Variants in TBC1D22A observed in about 807,000 individuals in gnomAD.
TBC1D22A encodes putative GTPase activator.
A neutral mutation model predicts 60.2 loss-of-function variants in TBC1D22A; 38 were observed. That is an observed-to-expected ratio of 0.63 (90% CI 0.49 to 0.83). TBC1D22A has a LOEUF of 0.83. Among genes scored for constraint, TBC1D22A ranks in the 40% least tolerant of loss-of-function variants. The pLI is 0.00. For missense variants in TBC1D22A, 628 were observed against 701.0 expected (o/e 0.90, Z 1.18); for synonymous variants, 302 against 281.7 (o/e 1.07, Z -0.72).
chr22:47,136,164 G>A (rs907066752), intron 12 of TBC1D22A, among the ~76,000 whole-genome samples: 3 of 152,218 alleles, frequency 2.0e-5, no homozygotes, highest in Non-Finnish European at 4.4e-5. Flanking sequence ...CCTCCACCAC[G>A]TCCCCTGAGG....
At chr22:46,994,924 T>G (rs1233778407) in intron 9 of TBC1D22A, among the ~76,000 whole-genome samples, 1 of 152,236 alleles carries the variant, frequency 6.6e-6, no homozygotes, top group African/African-American at 2.4e-5. Flanking sequence ...AATTCAAGTC[T>G]GGAGCCAAAA....
chr22:46,787,989 T>G (rs182290437), intron 1 of TBC1D22A, among the ~76,000 whole-genome samples: 3 of 143,728 alleles, frequency 2.1e-5, no homozygotes. Flanking sequence ...CAGGTTGGAG[T>G]GCAGGGGCGT....
chr22:46,818,501 A>C, intron 4 of TBC1D22A, among the ~76,000 whole-genome samples: 1 of 152,322 alleles, frequency 6.6e-6, no homozygotes, highest in Admixed American at 6.5e-5. Flanking sequence ...TTTACTGAAG[A>C]GGAGATCCTT....
chr22:46,965,446 C>T (rs948463469), intron 8 of TBC1D22A, among the ~76,000 whole-genome samples: 2 of 152,236 alleles, frequency 1.3e-5, no homozygotes, highest in African/African-American at 2.4e-5. Context: ...GCTGCACTGT[C>T]TGGGCTCGGC....
intron 4 of TBC1D22A, among the ~76,000 whole-genome samples, chr22:46,832,109 A>G (rs898377675): frequency 6.6e-6 from 1 of 152,196 alleles, no homozygotes; most frequent in Non-Finnish European, 1.5e-5. Context: ...GTGGGGGCCC[A>G]GCAAGAGGCT....
At chr22:46,883,187 G>A (rs1255662995) in intron 5 of TBC1D22A, among the ~76,000 whole-genome samples, 1 of 152,162 alleles carries the variant, frequency 6.6e-6, no homozygotes, top group Non-Finnish European at 1.5e-5. Flanking sequence ...GATGAGTGAA[G>A]CTCCAGTATT....
intron 11 of TBC1D22A, among the ~76,000 whole-genome samples, chr22:47,064,538 T>C (rs1386361913): frequency 1.3e-5 from 2 of 152,238 alleles, no homozygotes; most frequent in East Asian, 3.8e-4. Flanking sequence ...TTCTTACTGC[T>C]GCGAATGCAC....
chr22:46,849,699 G>A (rs944685376), intron 4 of TBC1D22A, among the ~76,000 whole-genome samples: 1 of 152,166 alleles, frequency 6.6e-6, no homozygotes, highest in Non-Finnish European at 1.5e-5. Context: ...TCTTGGATTG[G>A]TTGTGCAGCT....
At position 46,795,697 on chromosome 22, in the gene TBC1D22A, A is replaced by G. The variant is rs77494655; in HGVS notation, c.461-1747A>G. ...TCATTTACTGTGTGGCAGGTACAGT[A>G]TCAAGTCCCTGTGATACTAAACTCA... On this transcript the variant is annotated intron_variant, in intron 3 of 12. Coordinates refer to ENST00000337137, the MANE Select transcript of TBC1D22A (RefSeq NM_014346.5). Among the ~76,000 whole-genome samples, 1,359 of 152,304 alleles carry G rather than the reference A, an allele frequency of 8.9e-3. 24 individuals are homozygous for G. The highest frequency in any genetic ancestry group is 0.03 in the African/African-American group (1,265 of 41,556).
At chr22:47,087,857 C>T (rs571218405) in intron 11 of TBC1D22A, among the ~76,000 whole-genome samples, 3 of 152,126 alleles carry the variant, frequency 2.0e-5, no homozygotes, top group Admixed American at 6.5e-5. Flanking sequence ...GGGCGGATCA[C>T]GAGGTCAGAA....
chr22:47,090,735 G>T (rs375772748), intron 11 of TBC1D22A, among the ~76,000 whole-genome samples: 1 of 149,856 alleles, frequency 6.7e-6, no homozygotes, highest in Non-Finnish European at 1.5e-5. Context: ...GAGTGGCCTC[G>T]CAGAGGGGGT....
chr22:47,140,131 T>C lies in TBC1D22A; in HGVS notation c.1425+28528T>C, dbSNP rs572241344. Among the ~76,000 whole-genome samples, 11 of 152,332 alleles carry C rather than the reference T, an allele frequency of 7.2e-5. 1 individual carries two copies. The South Asian group carries it at 2.3e-3, about 32-fold the overall frequency. On this transcript the variant is annotated intron_variant, in intron 12 of 12. Transcript: ENST00000337137. The stretch of plus-strand genomic sequence containing the variant: ...CTCATTGGGAGCCACAGACCTAATG[T>C]TGAGCAAAAACTGAGCTGTGTGTAT...
intron 7 of TBC1D22A, among the ~76,000 whole-genome samples, chr22:46,909,970 G>A (rs767392003): frequency 1.3e-5 from 2 of 152,204 alleles, no homozygotes; most frequent in African/African-American, 2.4e-5. Flanking sequence ...TCCTCTGGCC[G>A]CTACTTGCAG....
intron 8 of TBC1D22A, among the ~76,000 whole-genome samples, chr22:46,942,008 CAT>C (rs1555960665): frequency 4.0e-4 from 54 of 133,582 alleles, no homozygotes; most frequent in Non-Finnish European, 6.5e-4. Flanking sequence ...CACCAGCATA[CAT>C]ATATATATAT....
At chr22:47,063,809 C>T (rs773856331) in intron 11 of TBC1D22A, among the ~76,000 whole-genome samples, 10 of 152,210 alleles carry the variant, frequency 6.6e-5, no homozygotes, top group East Asian at 1.9e-4. Context: ...CAGTCATCCT[C>T]GGCATTCCTG....
chr22:46,985,430 G>T (rs983651758), intron 9 of TBC1D22A, among the ~76,000 whole-genome samples: 14 of 152,274 alleles, frequency 9.2e-5, no homozygotes, highest in Admixed American at 4.6e-4. Flanking sequence ...TTTTAGAAAG[G>T]TTTATTAAAC....
At chr22:46,913,382 GGA>G (rs776291225) in intron 8 of TBC1D22A, 2 of 1,366,484 alleles carry the variant, frequency 1.5e-6, no homozygotes, top group East Asian at 9.1e-5. Context: ...GCTGTGATCT[GGA>G]GAGATGAGCC....
intron 12 of TBC1D22A, 71 bp from the exon 13 acceptor site, chr22:47,173,427 A>G (rs1208995151): frequency 1.1e-5 from 18 of 1,584,568 alleles, no homozygotes; most frequent in Non-Finnish European, 1.6e-5. Flanking sequence ...CTTTCCCTCC[A>G]GTTTTCTGGG....
chr22:47,005,322 CAT>C (rs1330451167), intron 10 of TBC1D22A, among the ~76,000 whole-genome samples: 1 of 151,506 alleles, frequency 6.6e-6, no homozygotes, highest in Admixed American at 6.6e-5. Flanking sequence ...CCCCTACACA[CAT>C]GCCTATACAC....
Sources: allele counts gnomAD v4.1 joint callset (sites outside exome capture counted in the v4.1 genomes callset), GRCh38; gene constraint gnomAD v4.1.1; transcripts MANE v1.5; gene names NCBI Gene and HGNC (gene_info 2026-07-23, HGNC 2026-07-21).